The following MYBPC1 variants were observed in gnomAD, a reference collection of about 807,000 sequenced individuals.
MYBPC1 encodes the protein myosin binding protein C1, also known as myosin-binding protein C, slow-type.
Under a neutral mutation model 147.1 loss-of-function variants are expected in MYBPC1, and 52 were observed. The ratio of observed to expected loss-of-function variants is 0.35; its 90% confidence interval spans 0.28 to 0.45. MYBPC1 has a LOEUF of 0.45. Ranked by LOEUF, MYBPC1 falls within the 20% of genes least tolerant of loss-of-function variation. The pLI is 1.00. For missense variants in MYBPC1, 1,228 were observed against 1,440.3 expected (o/e 0.85, Z 2.39); for synonymous variants, 477 against 475.9 (o/e 1.00, Z -0.03).
Position 101,662,358 on chromosome 12 carries a change from G to C in MYBPC1, c.2033G>C (p.Gly678Ala). The change falls in exon 21 of 32, where the codon GGA (glycine) becomes GCA (alanine). Residue 678 changes from glycine (G) to alanine (A), a missense_variant and splice_region_variant. Transcript: ENST00000361466. ...TAGTTTTCATTTTGCATACCTGCAG[G>C]ATATTTTATTGAGAGGAAGAAGAAA... ...PAYDGGSPIL[G>A]YFIERKKKQS... 1 of 1,614,110 alleles carries C rather than the reference G, an allele frequency of 6.2e-7. No individual in the cohort carries two copies. Among genetic ancestry groups the C allele is most frequent in the Non-Finnish European group, 8.5e-7 (1 of 1,180,010 alleles).
At chr12:101,642,326 C>A in intron 10 of MYBPC1, 93 bp from the exon 11 acceptor site, 1 of 1,346,178 alleles carries the variant, frequency 7.4e-7, no homozygotes, top group Non-Finnish European at 1.1e-6. Context: ...AGCTTTTTTA[C>A]ACTGAACTGA....
At position 101,659,732 on chromosome 12, in the gene MYBPC1, G is replaced by A. The variant is rs138686836; in HGVS notation, c.1828G>A (p.Val610Ile). The change falls in exon 19 of 32, where the codon GTC (valine) becomes ATC (isoleucine). Residue 610 changes from valine (V) to isoleucine (I), a missense_variant. By Grantham distance (29) the Val-to-Ile change is conservative (BLOSUM62 3). This residue lies in a region of MYBPC1 where 1,077 missense variants were observed against 1,314.2 expected (regional missense o/e 0.82). Coordinates refer to ENST00000361466, the MANE Select transcript of MYBPC1 (RefSeq NM_002465.4). The part of the protein sequence containing the change: ...TESYPDSSTL[V>I]IDIAERDDSG... Reference sequence around the variant, plus strand: ...ATCTTACCCTGATAGCAGCACTCTGGTCATTGATATAGCTGAAAGAGATGA... The same window carrying A: ...ATCTTACCCTGATAGCAGCACTCTGATCATTGATATAGCTGAAAGAGATGA... 3.3e-5 allele frequency: 53 copies of A among 1,613,974 alleles called. No homozygotes were observed. The African/African-American group carries it at 6.4e-4, about 20-fold the overall frequency.
chr12:101,680,350 T>C lies in MYBPC1; in HGVS notation c.3254T>C (p.Ile1085Thr). ...CSVRGNPKPK[I>T]TWMKNKVAIV... ...CTTCAATTTGAACTTCAGCCTAAAA[T>C]AACCTGGATGAAAAACAAAGTTGCT... Residue 1085 changes from isoleucine (I) to threonine (T), a missense_variant, in exon 29 of 32, where the codon ATA (isoleucine) becomes ACA (threonine). This residue lies in a region of MYBPC1 where 1,077 missense variants were observed against 1,314.2 expected (regional missense o/e 0.82). Transcript: ENST00000361466. 1 of 1,613,922 alleles carries C rather than the reference T, an allele frequency of 6.2e-7. No homozygotes were observed. Among genetic ancestry groups the C allele is most frequent in the Non-Finnish European group, 8.5e-7 (1 of 1,179,910 alleles).
rs1450834561 is a variant in MYBPC1 at position 101,685,611 on chromosome 12, C to T, written c.*49C>T. 8 of 1,534,498 alleles carry T rather than the reference C, an allele frequency of 5.2e-6. No homozygotes were observed. In the South Asian group the frequency reaches 9.5e-5, roughly 18 times the overall value. ...GCTCTCCTTCTGCAGACTCCTCTTG[C>T]AAGGCGTACCTCCAAACATAATTGA... On this transcript the variant is annotated 3_prime_UTR_variant, in exon 32 of 32. Coordinates refer to ENST00000361466, the MANE Select transcript of MYBPC1 (RefSeq NM_002465.4).
downstream of MYBPC1, among the ~76,000 whole-genome samples, chr12:101,686,279 T>C (rs994632189): frequency 2.0e-5 from 3 of 152,274 alleles, no homozygotes; most frequent in Non-Finnish European, 4.4e-5. Context: ...TAGGGTTGTA[T>C]GCCGAGACAC....
At chr12:101,678,549 G>A (rs1261966387) in intron 28 of MYBPC1, among the ~76,000 whole-genome samples, 1 of 152,168 alleles carries the variant, frequency 6.6e-6, no homozygotes, top group East Asian at 1.9e-4. Context: ...GTAATGTCAA[G>A]AATTCTGTGA....
chr12:101,662,330 C>A (rs2136465335), intron 20 of MYBPC1, 28 bp from the exon 21 acceptor site: 1 of 1,611,838 alleles, frequency 6.2e-7, no homozygotes, highest in East Asian at 2.2e-5. Flanking sequence ...CAAGGAAAAA[C>A]CTTAGTTTTC....
Position 101,651,297 on chromosome 12 carries a change from T to C in MYBPC1, c.1430T>C (p.Leu477Pro). Residue 477 changes from leucine (L) to proline (P), a missense_variant, in exon 16 of 32, where the codon CTG becomes CCG. Physicochemically the swap from Leu to Pro is moderately conservative, Grantham distance 98. This residue lies in a region of MYBPC1 where 1,077 missense variants were observed against 1,314.2 expected (regional missense o/e 0.82). Coordinates refer to ENST00000361466, the MANE Select transcript of MYBPC1 (RefSeq NM_002465.4). ...GTAAATCTTGGAAAAGAAATCTGCC[T>C]GAAGTGTGAAATCTCTGAAAACATA... ...QTVNLGKEICLKCEISENIPG... is the reference protein window; with the variant it reads ...QTVNLGKEICPKCEISENIPG... The C allele has an allele frequency of 6.2e-7, 1 of 1,614,090 alleles. No individual in the cohort carries two copies. The highest frequency in any genetic ancestry group is 8.5e-7 in the Non-Finnish European group (1 of 1,179,980).
intron 29 of MYBPC1, among the ~76,000 whole-genome samples, chr12:101,681,590 ATATT>A (rs1950993601): frequency 8.7e-5 from 2 of 23,048 alleles, no homozygotes; most frequent in South Asian, 2.5e-3. Context: ...ATATATATAT[ATATT>A]TTTTTTTTTT....
chr12:101,690,639 C>T (rs546470944), downstream of MYBPC1, among the ~76,000 whole-genome samples: 1 of 152,304 alleles, frequency 6.6e-6, no homozygotes, highest in East Asian at 1.9e-4. Context: ...AGACCCAATG[C>T]TAAGAACCGT....
rs927044362 is a variant in MYBPC1, at chr12:101,647,102, T to G, written c.1090+215T>G. On this transcript the variant is annotated intron_variant, in intron 13 of 31. Transcript: ENST00000361466. Reference sequence around the variant, plus strand: ...ATGTTTTGACTCAAGCCAAGCACTATCTTGCAAAAATAATTATTCTAGTTA... The same window carrying G: ...ATGTTTTGACTCAAGCCAAGCACTAGCTTGCAAAAATAATTATTCTAGTTA... The G allele has an allele frequency of 1.0e-5, 6 of 586,446 alleles. No individual in the cohort carries two copies. In the African/African-American group the frequency reaches 1.1e-4, roughly 11 times the overall value. The allele number at this position is 586,446 out of a possible 1,614,324, so 36.3% of individuals were successfully genotyped here.
At chr12:101,609,812 TA>T (rs1410033686) in intron 1 of MYBPC1, among the ~76,000 whole-genome samples, 3 of 152,242 alleles carry the variant, frequency 2.0e-5, no homozygotes, top group Non-Finnish European at 4.4e-5. Flanking sequence ...ACCACTTTTA[TA>T]ACCTCTTTGA....
intron 21 of MYBPC1, 73 bp downstream of exon 21, chr12:101,662,619 T>G: frequency 6.5e-7 from 1 of 1,527,024 alleles, no homozygotes; most frequent in Non-Finnish European, 9.1e-7. Context: ...CTCTGATCCC[T>G]AACTGGAACA....
intron 12 of MYBPC1, 134 bp downstream of exon 12, chr12:101,644,930 T>A: frequency 1.1e-6 from 1 of 892,976 alleles, no homozygotes; most frequent in South Asian, 1.5e-5. Context: ...GAGTAAACAT[T>A]TAAGTCACAT....
chr12:101,682,948 A>T (rs918019956), intron 30 of MYBPC1, among the ~76,000 whole-genome samples: 2 of 152,240 alleles, frequency 1.3e-5, no homozygotes, highest in African/African-American at 4.8e-5. Context: ...TTATATAATA[A>T]GACTATCAAA....
Position 101,646,881 on chromosome 12 carries a change from G to GT in MYBPC1, c.1085dup (p.Arg363LysfsTer27). ...TGAGAAATGTTCCACTGAGCTCTTC[G>GT]TAAGAGGTAAAAATGAAATCTCTTA... On this transcript the variant is annotated frameshift_variant, in exon 13 of 32. Coordinates refer to ENST00000361466, the MANE Select transcript of MYBPC1 (RefSeq NM_002465.4). LOFTEE classifies it high-confidence loss of function. 1 of 1,614,080 alleles carries GT rather than the reference G, an allele frequency of 6.2e-7. No individual in the cohort carries two copies. Among genetic ancestry groups the GT allele is most frequent in the African/African-American group, 1.3e-5 (1 of 75,024 alleles).
rs538102078 is a variant in MYBPC1, at chr12:101,627,160, G to A, written c.142+250G>A. Among the ~76,000 whole-genome samples the A allele has an allele frequency of 2.6e-5, 4 of 152,212 alleles. No individual in the cohort carries two copies. In the East Asian group the frequency reaches 7.7e-4, roughly 29 times the overall value. On this transcript the variant is annotated intron_variant, in intron 4 of 31. Transcript: ENST00000361466. The stretch of plus-strand genomic sequence containing the variant: ...TGGTAAATCTTGGGTATAAATGTTA[G>A]GGGTCAACATATCTGTCTTCCATTT...
At chr12:101,601,824 C>T (rs1880108157) in intron 1 of MYBPC1, among the ~76,000 whole-genome samples, 2 of 152,022 alleles carry the variant, frequency 1.3e-5, no homozygotes, top group African/African-American at 4.8e-5. Context: ...AATTGCTTTG[C>T]TTGCATCTGG....
downstream of MYBPC1, among the ~76,000 whole-genome samples, chr12:101,687,501 G>A (rs1030119466): frequency 9.9e-5 from 15 of 152,106 alleles, no homozygotes; most frequent in African/African-American, 2.7e-4. Flanking sequence ...CTTTGCTATT[G>A]TGAGTAGTGC....
Sources: gnomAD v4.1 joint callset for allele counts (sites outside exome capture counted in the v4.1 genomes callset) on GRCh38, gnomAD v4.1.1 for gene constraint, gnomAD v4.1.1 regional missense constraint, MANE v1.5 for transcripts, NCBI Gene and HGNC (gene_info 2026-07-23, HGNC 2026-07-21) for gene names.